MTMR3: variants seen among roughly 807,000 people sequenced by gnomAD.
The protein encoded by MTMR3 is myotubularin related protein 3.
In MTMR3, 32 loss-of-function variants were observed where a neutral mutation model predicts 132.4. That is an observed-to-expected ratio of 0.24 (90% CI 0.18 to 0.32). The LOEUF (loss-of-function observed/expected upper bound fraction) is 0.32. MTMR3 is among the 10% of genes least tolerant of loss of function. The probability of loss-of-function intolerance (pLI) is 1.00; values close to 1 mark genes in which losing one functional copy is unlikely to be tolerated. For missense variants in MTMR3, 1,216 were observed against 1,489.6 expected (o/e 0.82, Z 3.02); for synonymous variants, 556 against 550.3 (o/e 1.01, Z -0.14).
At chr22:29,949,127 ACACACACACACACACACCCCCCC>A (rs2066010899) in intron 1 of MTMR3, among the ~76,000 whole-genome samples, 1 of 30,730 alleles carries the variant, frequency 3.3e-5, no homozygotes, top group African/African-American at 2.0e-4. Context: ...ACACACACAC[ACACACACACACACACACCCCCCC>A]CCCCCCCCCC....
At chr22:29,950,752 A>G (rs2066060138) in intron 1 of MTMR3, among the ~76,000 whole-genome samples, 1 of 137,518 alleles carries the variant, frequency 7.3e-6, no homozygotes, top group African/African-American at 2.5e-5. Flanking sequence ...AATAATGCCT[A>G]CCTTGTGATA....
chr22:29,969,621 C>T (rs945560003), intron 2 of MTMR3, among the ~76,000 whole-genome samples: 3 of 151,998 alleles, frequency 2.0e-5, no homozygotes, highest in African/African-American at 7.2e-5. Context: ...ACCTCTGCCT[C>T]CCAGGTTCAC....
chr22:29,919,723 T>A (rs2065374225), intron 1 of MTMR3, among the ~76,000 whole-genome samples: 1 of 151,972 alleles, frequency 6.6e-6, no homozygotes, highest in Admixed American at 6.5e-5. Context: ...AGATGGAGTC[T>A]CACTGTATTG....
intron 1 of MTMR3, 52 bp from the exon 2 acceptor site, chr22:29,956,984 C>G (rs1238374694): frequency 6.6e-6 from 1 of 152,214 alleles, no homozygotes; most frequent in African/African-American, 2.4e-5. Flanking sequence ...AGTGGCTTAA[C>G]TTGATTCTTA....
intron 1 of MTMR3, among the ~76,000 whole-genome samples, chr22:29,932,673 A>G (rs904994858): frequency 1.3e-5 from 2 of 152,190 alleles, no homozygotes; most frequent in South Asian, 4.1e-4. Context: ...GCAAAAGGAT[A>G]ATGAACTGAT....
In MTMR3 at chr22:30,020,431, G is replaced by A; in HGVS notation, c.2772G>A (p.Glu924=). ...PCALPLAECK[E]GLVCNGAPET... ...CCTTGCCTTTAGCCGAATGTAAAGAGGGGCTTGTGTGCAATGGTGCCCCAG... is the reference window on the plus strand; with the variant it reads ...CCTTGCCTTTAGCCGAATGTAAAGAAGGGCTTGTGTGCAATGGTGCCCCAG... The change falls in exon 17 of 20, where the codon GAG becomes GAA. Residue 924 remains glutamate, a synonymous_variant. Transcript: ENST00000401950. 1 of 1,614,224 alleles carries A rather than the reference G, an allele frequency of 6.2e-7. No individual in the cohort carries two copies. Among genetic ancestry groups the A allele is most frequent in the Non-Finnish European group, 8.5e-7 (1 of 1,180,048 alleles).
At chr22:29,949,148 C>CGAGG (rs2066020068) in intron 1 of MTMR3, among the ~76,000 whole-genome samples, 1 of 30,166 alleles carries the variant, frequency 3.3e-5, no homozygotes, top group African/African-American at 1.2e-4. Context: ...CACACACCCC[C>CGAGG]CCCCCCCCCC....
intron 9 of MTMR3, 21 bp from the exon 10 acceptor site, chr22:30,007,093 T>A (rs1325627700): frequency 6.2e-7 from 1 of 1,612,342 alleles, no homozygotes; most frequent in Non-Finnish European, 8.5e-7. Context: ...GTACAGTTGT[T>A]GTCTCTTGTT....
rs1405450338 is a variant in MTMR3 at position 30,019,944 on chromosome 22, C to T, written c.2285C>T (p.Ser762Leu). The T allele has an allele frequency of 1.2e-6, 2 of 1,614,108 alleles. No homozygotes were observed. The highest frequency in any genetic ancestry group is 4.5e-5 in the East Asian group (2 of 44,902). Reference protein sequence around the residue: ...SHLDMSWPLFSQGISEQQSGL... With the variant: ...SHLDMSWPLFLQGISEQQSGL... ...CTGGATATGAGCTGGCCTCTGTTCT[C>T]ACAGGGCATTTCTGAACAGCAGAGT... The change falls in exon 17 of 20, where the codon TCA becomes TTA. Residue 762 changes from serine to leucine, a missense_variant. Ser to Leu is a moderately radical substitution (Grantham distance 145). This residue lies in a region of MTMR3 where 852 missense variants were observed against 852.0 expected (regional missense o/e 1.00). Transcript: ENST00000401950.
intron 18 of MTMR3, 69 bp downstream of exon 18, chr22:30,022,208 C>G (rs1157708254): frequency 1.1e-5 from 14 of 1,260,646 alleles, no homozygotes; most frequent in Admixed American, 3.6e-5. Context: ...CACCCCCATT[C>G]CCACCCCATA....
intron 1 of MTMR3, among the ~76,000 whole-genome samples, chr22:29,930,956 A>T (rs2065630630): frequency 7.0e-6 from 1 of 142,062 alleles, no homozygotes; most frequent in Non-Finnish European, 1.5e-5. Flanking sequence ...GCAGTGAGCC[A>T]TGATCACACC....
intron 5 of MTMR3, chr22:29,980,380 C>CA (rs1218514758): frequency 6.6e-6 from 1 of 152,148 alleles, no homozygotes; most frequent in Non-Finnish European, 1.5e-5. Context: ...TAAAGATACA[C>CA]ACCAGATTCA....
At chr22:29,905,330 C>A (rs939995440) in intron 1 of MTMR3, among the ~76,000 whole-genome samples, 1 of 152,112 alleles carries the variant, frequency 6.6e-6, no homozygotes, top group Non-Finnish European at 1.5e-5. Flanking sequence ...AAAAGAAATC[C>A]GCACATGAGT....
intron 1 of MTMR3, among the ~76,000 whole-genome samples, chr22:29,934,808 C>T (rs1387832198): frequency 6.6e-6 from 1 of 152,156 alleles, no homozygotes; most frequent in African/African-American, 2.4e-5. Flanking sequence ...CCTTCAACAA[C>T]TATGAAGATT....
At chr22:29,933,994 G>T (rs2065697805) in intron 1 of MTMR3, among the ~76,000 whole-genome samples, 2 of 152,094 alleles carry the variant, frequency 1.3e-5, no homozygotes, top group African/African-American at 2.4e-5. Flanking sequence ...TAGGGTAGTT[G>T]ATTTATGGAT....
chr22:29,944,953 T>C (rs538219240), intron 1 of MTMR3, among the ~76,000 whole-genome samples: 2 of 152,366 alleles, frequency 1.3e-5, no homozygotes, highest in Non-Finnish European at 2.9e-5. Flanking sequence ...TTTATAATAA[T>C]AGCAGATTTC....
intron 3 of MTMR3, among the ~76,000 whole-genome samples, chr22:29,975,176 C>T (rs2066606872): frequency 6.6e-6 from 1 of 152,088 alleles, no homozygotes; most frequent in South Asian, 2.1e-4. Context: ...CTTTTTACTT[C>T]TTAAATTATT....
intron 16 of MTMR3, chr22:30,018,444 G>A: frequency 5.8e-6 from 1 of 173,164 alleles, no homozygotes; most frequent in African/African-American, 2.4e-5. Flanking sequence ...TCAGATGACA[G>A]AAAATTTTGC....
intron 8 of MTMR3, chr22:29,999,738 G>C (rs1322053218): frequency 6.6e-6 from 1 of 152,240 alleles, no homozygotes; most frequent in Non-Finnish European, 1.5e-5. Context: ...TTATTTGGCT[G>C]GACATGGTGG....
Sources: gnomAD v4.1 joint callset for allele counts (sites outside exome capture counted in the v4.1 genomes callset) on GRCh38, gnomAD v4.1.1 for gene constraint, gnomAD v4.1.1 regional missense constraint, MANE v1.5 for transcripts, NCBI Gene and HGNC (gene_info 2026-07-23, HGNC 2026-07-21) for gene names.